Variants in GRM4 observed in about 807,000 individuals in gnomAD.
The protein encoded by GRM4 is metabotropic glutamate receptor 4.
Under a neutral mutation model 81.7 loss-of-function variants are expected in GRM4, and 28 were observed. The ratio of observed to expected loss-of-function variants is 0.34; its 90% CI spans 0.25 to 0.47. The LOEUF (loss-of-function observed/expected upper bound fraction) is 0.47, where lower values mean the gene tolerates loss of function less well. Ranked by LOEUF, GRM4 falls within the 20% of genes least tolerant of loss-of-function variation. The pLI is 1.00. For synonymous variants in GRM4, 488 were observed against 528.8 expected, an observed-to-expected ratio of 0.92 and a Z score of 1.06; for missense variants, 948 against 1,290.0, an observed-to-expected ratio of 0.73 and a Z score of 4.06.
chr6:34,093,572 G>A (rs980696705), intron 2 of GRM4, among the ~76,000 whole-genome samples: 4 of 152,196 alleles, frequency 2.6e-5, no homozygotes, highest in African/African-American at 7.2e-5. Context: ...GGGACATCGG[G>A]GTGGCAGGTG....
intron 3 of GRM4, among the ~76,000 whole-genome samples, chr6:34,072,783 C>T: frequency 1.1e-5 from 1 of 95,062 alleles, no homozygotes; most frequent in East Asian, 3.2e-4. Context: ...CACACACAGA[C>T]CCAAACACAT....
In GRM4 at chr6:34,020,145, C is replaced by T. The variant is rs1763819192; in HGVS notation, c.*2676G>A. 1 of 152,364 alleles carries T rather than the reference C, an allele frequency of 6.6e-6. No individual in the cohort carries two copies. The highest frequency in any genetic ancestry group is 6.5e-5 in the Admixed American group (1 of 15,292). 9.4% of individuals were successfully genotyped at this position (152,364 alleles called of 1,614,324 possible). A position where few individuals can be genotyped will look rare whatever the true frequency, so the allele number is the denominator to read the frequency against. ...CTAACAGTCATTTTACTTTGGGACA[C>T]AGTCTGCTGTATCTCCCCCATCACA... On this transcript the variant is annotated 3_prime_UTR_variant, in exon 11 of 11. Transcript: ENST00000538487.
At chr6:34,151,064 C>T (rs1771035205), upstream of GRM4, among the ~76,000 whole-genome samples, 1 of 152,148 alleles carries the variant, frequency 6.6e-6, no homozygotes, top group Non-Finnish European at 1.5e-5. Flanking sequence ...ATAAGAGTGG[C>T]CAGGAAGGCA....
Position 34,114,479 on chromosome 6 carries a change from A to G in GRM4, c.519+18499T>C, listed in dbSNP as rs999395234. Reference sequence around the variant, plus strand: ...CAACCAACCCTCCAGTCCACACCCAAAGGAATACTTTTAACTCCCAAATCC... The same window carrying G: ...CAACCAACCCTCCAGTCCACACCCAGAGGAATACTTTTAACTCCCAAATCC... On this transcript the variant is annotated intron_variant, in intron 2 of 10. Transcript: ENST00000538487. The surrounding 1 kb of genome is among the most constrained non-coding windows in gnomAD (Gnocchi z 4.3). Among the ~76,000 whole-genome samples, 6 of 151,892 alleles carry G rather than the reference A, an allele frequency of 4.0e-5. No individual in the cohort carries two copies. Among genetic ancestry groups the G allele is most frequent in the Admixed American group, 1.3e-4 (2 of 15,234 alleles).
At chr6:34,025,329 C>T (rs1302207016) in intron 10 of GRM4, among the ~76,000 whole-genome samples, 1 of 152,086 alleles carries the variant, frequency 6.6e-6, no homozygotes, top group Admixed American at 6.5e-5. Context: ...CCTGGGGGAA[C>T]TGATAAAACT....
Position 34,155,218 on chromosome 6 carries a change from AC to A in GRM4, c.172del (p.Val58CysfsTer13). ...TGGCAGGGAGGGGCCTCTTGTGCGC[AC>A]CCACACACACCGGCAAAATCCAAAG... On this transcript the variant is annotated frameshift_variant, in exon 1 of 9. Coordinates refer to the GRM4 transcript ENST00000374177. LOFTEE classifies it high-confidence loss of function. 1 of 1,535,498 alleles carries A rather than the reference AC, an allele frequency of 6.5e-7. No homozygotes were observed. Among genetic ancestry groups the A allele is most frequent in the Non-Finnish European group, 8.7e-7 (1 of 1,146,626 alleles).
chr6:34,036,108 C>A lies in GRM4; in HGVS notation c.2002G>T (p.Ala668Ser). 1 of 1,614,208 alleles carries A rather than the reference C, an allele frequency of 6.2e-7. No homozygotes were observed. Among genetic ancestry groups the A allele is most frequent in the Non-Finnish European group, 8.5e-7 (1 of 1,180,022 alleles). The change falls in exon 9 of 11, where the codon GCA (alanine) becomes TCA (serine). Residue 668 changes from alanine to serine, a missense_variant. By Grantham distance (99) the Ala-to-Ser change is moderately conservative (BLOSUM62 1). Transcript: ENST00000538487. This position sits in a 1 kb window ranked among gnomAD's most constrained non-coding sequence, Gnocchi z 9.0. ...FLGLGMSISY[A>S]ALLTKTNRIY... ...CGGTTGGTCTTGGTGAGCAGGGCTGCATAGCTGATGCTCATCCCTAGTCCC... is the reference window on the plus strand; with the variant it reads ...CGGTTGGTCTTGGTGAGCAGGGCTGAATAGCTGATGCTCATCCCTAGTCCC...
chr6:34,066,058 G>A (rs183236644), intron 3 of GRM4, among the ~76,000 whole-genome samples: 52 of 152,112 alleles, frequency 3.4e-4, no homozygotes, highest in South Asian at 6.2e-4. Context: ...CCCATCCCTC[G>A]GGGCCCGCCT....
intron 3 of GRM4, among the ~76,000 whole-genome samples, chr6:34,073,420 A>C (rs1199813144): frequency 7.5e-6 from 1 of 133,898 alleles, no homozygotes; most frequent in Non-Finnish European, 1.6e-5. Context: ...CATACACACC[A>C]CACACACACA....
rs552546059 is a variant in GRM4 at position 34,039,267 on chromosome 6, G to T, written c.1506+911C>A. Among the ~76,000 whole-genome samples the T allele has an allele frequency of 1.1e-3, 172 of 152,304 alleles. 4 individuals carry two copies. The highest frequency in any genetic ancestry group is 3.8e-3 in the African/African-American group (160 of 41,568). ...TAAGGTTGGGCTAAATAAGACTGCA[G>T]GCCAAGAGTGCTTTGAAGAGCAGAG... is the stretch of plus-strand genomic sequence containing the variant. On this transcript the variant is annotated intron_variant, in intron 8 of 10. Coordinates refer to ENST00000538487, the MANE Select transcript of GRM4 (RefSeq NM_000841.4).
intron 3 of GRM4, among the ~76,000 whole-genome samples, chr6:34,067,276 G>T (rs1766515498): frequency 6.6e-6 from 1 of 152,126 alleles, no homozygotes; most frequent in Admixed American, 6.5e-5. Flanking sequence ...TGACATAACT[G>T]TGTCAATGTC....
At chr6:34,088,148 A>G (rs1432165069) in intron 3 of GRM4, among the ~76,000 whole-genome samples, 6 of 151,720 alleles carry the variant, frequency 4.0e-5, no homozygotes, top group African/African-American at 1.5e-4. Context: ...TTTAAGACAG[A>G]TTCTTGCTCT....
intron 6 of GRM4, among the ~76,000 whole-genome samples, chr6:34,046,283 C>T (rs745983765): frequency 1.8e-4 from 28 of 152,196 alleles, no homozygotes; most frequent in Admixed American, 5.2e-4. Context: ...TCTACACACA[C>T]ATGCATGCTC....
intron 3 of GRM4, among the ~76,000 whole-genome samples, chr6:34,077,897 TG>T (rs1767399167): frequency 6.6e-6 from 1 of 152,194 alleles, no homozygotes; most frequent in Non-Finnish European, 1.5e-5. Context: ...GCACAGTGAA[TG>T]AAAGTTACGG....
chr6:34,053,266 C>T (rs912481047), intron 6 of GRM4, among the ~76,000 whole-genome samples: 1 of 152,202 alleles, frequency 6.6e-6, no homozygotes, highest in South Asian at 2.1e-4. Flanking sequence ...GGGTCCTTCC[C>T]CTGCCCCTGC....
intron 3 of GRM4, among the ~76,000 whole-genome samples, chr6:34,072,613 CACACAT>C (rs1349440360): frequency 0.052 from 366 of 7,010 alleles, no homozygotes; most frequent in African/African-American, 0.073. Context: ...CACACACACA[CACACAT>C]CACCGCATAG....
At chr6:34,072,695 G>C (rs1281174091) in intron 3 of GRM4, among the ~76,000 whole-genome samples, 3 of 99,128 alleles carry the variant, frequency 3.0e-5, no homozygotes, top group Non-Finnish European at 6.0e-5. Context: ...TCACCATACA[G>C]ATACGCACCA....
At chr6:34,100,424 T>C (rs982907473) in intron 2 of GRM4, among the ~76,000 whole-genome samples, 2 of 152,228 alleles carry the variant, frequency 1.3e-5, no homozygotes, top group African/African-American at 4.8e-5. Context: ...CAGGCACTAC[T>C]ATCAAAGACA....
intron 6 of GRM4, among the ~76,000 whole-genome samples, chr6:34,053,477 G>A (rs535565075): frequency 2.0e-5 from 3 of 152,190 alleles, no homozygotes; most frequent in East Asian, 1.9e-4. Flanking sequence ...GGCTCACAGC[G>A]CCTGGCCTGG....
Sources: gnomAD v4.1 joint callset for allele counts (sites outside exome capture counted in the v4.1 genomes callset) on GRCh38, gnomAD v4.1.1 for gene constraint, Gnocchi (gnomAD v3.1) non-coding constraint, MANE v1.5 for transcripts, NCBI Gene and HGNC (gene_info 2026-07-23, HGNC 2026-07-21) for gene names.